Variants in AGMO observed in about 807,000 individuals in gnomAD.
AGMO encodes glyceryl-ether monooxygenase.
AGMO carries 75 observed loss-of-function variants against 60.2 expected under a neutral mutation model. The ratio of observed to expected loss-of-function variants is 1.25; its 90% CI spans 1.03 to 1.51. AGMO has a LOEUF of 1.51. AGMO is among the 40% of genes most tolerant of loss of function. The pLI is 0.00. For synonymous variants in AGMO, 261 were observed against 177.1 expected, an observed-to-expected ratio of 1.47 and a Z score of -3.76; for missense variants, 763 against 525.5, an observed-to-expected ratio of 1.45 and a Z score of -4.42.
intron 3 of AGMO, among the ~76,000 whole-genome samples, chr7:15,505,410 C>A (rs184621263): frequency 1.4e-3 from 211 of 152,052 alleles, no homozygotes; most frequent in African/African-American, 4.8e-3. Flanking sequence ...GTCAACAAGG[C>A]AGGAGAATTT....
intron 10 of AGMO, among the ~76,000 whole-genome samples, chr7:15,372,872 C>T (rs371733097): frequency 1.1e-4 from 17 of 152,264 alleles, no homozygotes; most frequent in African/African-American, 2.9e-4. Context: ...TTAATTTGGA[C>T]GTATGATCGG....
the AGMO span, among the ~76,000 whole-genome samples, chr7:15,169,678 C>A: frequency 6.6e-6 from 1 of 152,114 alleles, no homozygotes; most frequent in African/African-American, 2.4e-5. Flanking sequence ...CTCAAGTGAT[C>A]CACCTGCCTC....
intron 4 of AGMO, among the ~76,000 whole-genome samples, chr7:15,430,054 A>T (rs1214987260): frequency 1.3e-5 from 2 of 151,952 alleles, no homozygotes; most frequent in Non-Finnish European, 2.9e-5. Flanking sequence ...ACTCAGCTCT[A>T]CTATTTTAAA....
At chr7:15,472,889 G>C (rs1330317609) in intron 3 of AGMO, among the ~76,000 whole-genome samples, 1 of 151,744 alleles carries the variant, frequency 6.6e-6, no homozygotes. Flanking sequence ...TGCAAAATTA[G>C]AACAAAAGCA....
the AGMO span, among the ~76,000 whole-genome samples, chr7:15,138,867 G>C: frequency 6.6e-6 from 1 of 152,170 alleles, no homozygotes; most frequent in South Asian, 2.1e-4. Context: ...TTTTCATTCA[G>C]TTCTTAACAA....
In AGMO at chr7:15,405,757, G is replaced by C. The variant is rs116264759; in HGVS notation, c.610-11578C>G. On this transcript the variant is annotated intron_variant, in intron 5 of 12. Transcript: ENST00000342526. ...TTGGAAGCAAGGTCAGAGAGTCTAA[G>C]TAAGTTTAGCAAATAGTCATATTCA... Among the ~76,000 whole-genome samples the C allele has an allele frequency of 9.2e-3, 1,404 of 151,980 alleles. 26 individuals are homozygous for C. Among genetic ancestry groups the C allele is most frequent in the African/African-American group, 0.033 (1,371 of 41,504 alleles).
In AGMO at chr7:15,560,275, GA is replaced by G. The variant is rs1785268689; in HGVS notation, c.127-5del. The G allele has an allele frequency of 4.3e-6, 7 of 1,610,950 alleles. No individual in the cohort carries two copies. The highest frequency in any genetic ancestry group is 5.9e-6 in the Non-Finnish European group (7 of 1,177,984). ...AAGAAATGAAAAATGGAGTTGCCTGGAAAGGAAGTTGCAGAAAAGAGATGCT... is the reference window on the plus strand; with the variant it reads ...AAGAAATGAAAAATGGAGTTGCCTGGAAGGAAGTTGCAGAAAAGAGATGCT... On this transcript the variant is annotated splice_region_variant and splice_polypyrimidine_tract_variant and intron_variant, in intron 1 of 12. Coordinates refer to ENST00000342526, the MANE Select transcript of AGMO (RefSeq NM_001004320.2).
intron 12 of AGMO, among the ~76,000 whole-genome samples, chr7:15,311,673 A>G (rs1186157854): frequency 1.3e-5 from 2 of 152,154 alleles, no homozygotes; most frequent in African/African-American, 4.8e-5. Context: ...CGCTATATAA[A>G]TTTTTAAAAA....
At position 15,348,065 on chromosome 7, in the gene AGMO, T is replaced by C. The variant is rs74526593; in HGVS notation, c.1263+17449A>G. Among the ~76,000 whole-genome samples the C allele has an allele frequency of 2.1e-3, 320 of 152,230 alleles. 9 individuals carry two copies. In the East Asian group the frequency reaches 0.052, roughly 25 times the overall value. ...GTGACTTTTGATCTTCCAGGGTAACTTGGATGTTTATCATGTTATTGCCCC... is the reference window on the plus strand; with the variant it reads ...GTGACTTTTGATCTTCCAGGGTAACCTGGATGTTTATCATGTTATTGCCCC... On this transcript the variant is annotated intron_variant, in intron 12 of 12. Coordinates refer to ENST00000342526, the MANE Select transcript of AGMO (RefSeq NM_001004320.2).
At chr7:15,219,447 A>C (rs1008281667) in intron 12 of AGMO, among the ~76,000 whole-genome samples, 1 of 152,166 alleles carries the variant, frequency 6.6e-6, no homozygotes, top group Non-Finnish European at 1.5e-5. Context: ...AGGAGGAAGG[A>C]AAGTTTTGGG....
chr7:15,196,063 T>G (rs1233866111), downstream of AGMO, among the ~76,000 whole-genome samples: 1 of 151,748 alleles, frequency 6.6e-6, no homozygotes, highest in Non-Finnish European at 1.5e-5. Flanking sequence ...CTCTCCTTTT[T>G]GACAGAGTCT....
intron 3 of AGMO, among the ~76,000 whole-genome samples, chr7:15,474,629 A>G (rs1583590308): frequency 6.6e-6 from 1 of 152,204 alleles, no homozygotes; most frequent in East Asian, 1.9e-4. Flanking sequence ...TCAAGGACAT[A>G]GTCATGGACA....
the AGMO span, among the ~76,000 whole-genome samples, chr7:15,132,213 T>A: frequency 6.6e-6 from 1 of 152,106 alleles, no homozygotes; most frequent in Non-Finnish European, 1.5e-5. Flanking sequence ...ATAAAAAGTG[T>A]TGACTTTATT....
intron 4 of AGMO, among the ~76,000 whole-genome samples, chr7:15,418,911 T>C (rs1780854864): frequency 6.6e-6 from 1 of 151,872 alleles, no homozygotes; most frequent in Non-Finnish European, 1.5e-5. Context: ...TGTGTGTTAT[T>C]TCCTTAATTT....
chr7:15,423,999 G>A (rs1189241811), intron 4 of AGMO, among the ~76,000 whole-genome samples: 1 of 152,124 alleles, frequency 6.6e-6, no homozygotes, highest in Non-Finnish European at 1.5e-5. Context: ...TTCCTAAAAT[G>A]TATTATATTT....
chr7:15,518,021 G>A (rs963464519), intron 3 of AGMO, among the ~76,000 whole-genome samples: 1 of 152,122 alleles, frequency 6.6e-6, no homozygotes, highest in Non-Finnish European at 1.5e-5. Context: ...TTGAGTAGGT[G>A]GTTTTCACAG....
chr7:15,308,267 G>A (rs535065850), intron 12 of AGMO, among the ~76,000 whole-genome samples: 2 of 152,062 alleles, frequency 1.3e-5, no homozygotes, highest in East Asian at 3.9e-4. Flanking sequence ...GTTACTCTCT[G>A]AATATAAATA....
intron 12 of AGMO, among the ~76,000 whole-genome samples, chr7:15,271,136 T>C (rs1392986828): frequency 6.6e-6 from 1 of 152,190 alleles, no homozygotes; most frequent in East Asian, 1.9e-4. Context: ...TGTTTAGGAC[T>C]GCTTTGGCTA....
chr7:15,296,002 T>G lies in AGMO; in HGVS notation c.1263+69512A>C, dbSNP rs189052002. 4.5e-3 allele frequency among the ~76,000 whole-genome samples: 689 copies of G among 152,296 alleles called. 3 individuals carry two copies. The highest frequency in any genetic ancestry group is 0.016 in the African/African-American group (659 of 41,572). ...ATTTTTAAAAATCAGATAATTTTGT[T>G]GTATATAAAATTTTCTTCAATTATG... is the stretch of plus-strand genomic sequence containing the variant. On this transcript the variant is annotated intron_variant, in intron 12 of 12. Coordinates refer to ENST00000342526, the MANE Select transcript of AGMO (RefSeq NM_001004320.2).
Sources: gnomAD v4.1 joint callset for allele counts (sites outside exome capture counted in the v4.1 genomes callset) on GRCh38, gnomAD v4.1.1 for gene constraint, MANE v1.5 for transcripts, NCBI Gene and HGNC (gene_info 2026-07-23, HGNC 2026-07-21) for gene names.